KCNT2: variants seen among roughly 807,000 people sequenced by gnomAD.
KCNT2 encodes the protein potassium sodium-activated channel subfamily T member 2, also known as potassium channel subfamily T member 2.
In KCNT2, 67 loss-of-function variants were observed where a neutral mutation model predicts 153.8. That is an observed-to-expected ratio of 0.44 (90% CI 0.36 to 0.53). The LOEUF is 0.53. Among genes scored for constraint, KCNT2 ranks in the 20% least tolerant of loss-of-function variants. KCNT2 has a pLI of 0.00. For missense variants in KCNT2, 975 were observed against 1,354.8 expected, an observed-to-expected ratio of 0.72 and a Z score of 4.40; for synonymous variants, 500 against 458.8, an observed-to-expected ratio of 1.09 and a Z score of -1.15.
intron 14 of KCNT2, among the ~76,000 whole-genome samples, chr1:196,371,518 A>G (rs1487962251): frequency 6.6e-6 from 1 of 152,084 alleles, no homozygotes; most frequent in Non-Finnish European, 1.5e-5. Context: ...TATTTCAATA[A>G]ATCTACTATA....
At chr1:196,577,375 C>T (rs958002471) in intron 1 of KCNT2, among the ~76,000 whole-genome samples, 1 of 152,146 alleles carries the variant, frequency 6.6e-6, no homozygotes, top group African/African-American at 2.4e-5. Flanking sequence ...GAGAAAATTT[C>T]CCACAGTCAG....
At chr1:196,392,960 C>A (rs1670612312) in intron 13 of KCNT2, among the ~76,000 whole-genome samples, 1 of 151,260 alleles carries the variant, frequency 6.6e-6, no homozygotes, top group Admixed American at 6.6e-5. Context: ...TATAATGTTG[C>A]ATTCTTCTAG....
At position 196,227,270 on chromosome 1, in the gene KCNT2, T is replaced by A. The variant is rs1047127810; in HGVS notation, c.*954A>T. 1.3e-5 allele frequency: 2 copies of A among 152,034 alleles called. No homozygotes were observed. The highest frequency in any genetic ancestry group is 4.8e-5 in the African/African-American group (2 of 41,456). 9.4% of individuals were successfully genotyped at this position (152,034 alleles called of 1,614,324 possible). On this transcript the variant is annotated 3_prime_UTR_variant, in exon 28 of 28. Transcript: ENST00000294725. ...AAGTGTCTTCAGAGTCCATAAAAGGTATAAATTATCTTCTGTCAATTTTAA... is the reference window on the plus strand; with the variant it reads ...AAGTGTCTTCAGAGTCCATAAAAGGAATAAATTATCTTCTGTCAATTTTAA...
At chr1:196,324,248 C>A (rs115128217) in intron 19 of KCNT2, among the ~76,000 whole-genome samples, 20 of 151,732 alleles carry the variant, frequency 1.3e-4, no homozygotes, top group Non-Finnish European at 2.7e-4. Flanking sequence ...ACTTTTAATG[C>A]AAAAATAAAC....
At chr1:196,595,903 T>C (rs1315366993) in intron 1 of KCNT2, among the ~76,000 whole-genome samples, 1 of 151,842 alleles carries the variant, frequency 6.6e-6, no homozygotes, top group Non-Finnish European at 1.5e-5. Flanking sequence ...TGCATCCTCA[T>C]AGATTAGCTT....
chr1:196,541,605 C>A (rs569422513), intron 1 of KCNT2, among the ~76,000 whole-genome samples: 1 of 152,196 alleles, frequency 6.6e-6, no homozygotes, highest in East Asian at 1.9e-4. Context: ...CTTATGGCCC[C>A]AGAGACTAAG....
chr1:196,342,439 T>G (rs1665756300), intron 14 of KCNT2, among the ~76,000 whole-genome samples: 1 of 145,344 alleles, frequency 6.9e-6, no homozygotes, highest in African/African-American at 2.5e-5. Flanking sequence ...TATATATATA[T>G]ATATATATGT....
intron 1 of KCNT2, among the ~76,000 whole-genome samples, chr1:196,585,308 T>G (rs1167219594): frequency 3.3e-5 from 5 of 152,134 alleles, no homozygotes; most frequent in Non-Finnish European, 7.4e-5. Context: ...TTACACAAAT[T>G]ATCTCTTCAA....
intron 25 of KCNT2, among the ~76,000 whole-genome samples, chr1:196,265,277 A>T (rs1057236374): frequency 3.3e-5 from 5 of 152,124 alleles, no homozygotes; most frequent in Non-Finnish European, 5.9e-5. Context: ...ATGCTGTTTG[A>T]GTTTTTTTCT....
At chr1:196,262,831 A>G (rs1657153634) in intron 25 of KCNT2, among the ~76,000 whole-genome samples, 1 of 152,116 alleles carries the variant, frequency 6.6e-6, no homozygotes, top group East Asian at 1.9e-4. Flanking sequence ...TTTGGAATCA[A>G]ATAAATAAGC....
chr1:196,573,474 T>C (rs555682640), intron 1 of KCNT2, among the ~76,000 whole-genome samples: 1 of 152,228 alleles, frequency 6.6e-6, no homozygotes, highest in South Asian at 2.1e-4. Flanking sequence ...TGATTTCTAA[T>C]CACGCCAGGA....
intron 1 of KCNT2, among the ~76,000 whole-genome samples, chr1:196,519,914 G>A (rs1167977823): frequency 6.6e-6 from 1 of 152,084 alleles, no homozygotes; most frequent in Non-Finnish European, 1.5e-5. Context: ...CCAAAAAATT[G>A]AAGAGAAGTG....
intron 5 of KCNT2, among the ~76,000 whole-genome samples, chr1:196,474,162 T>A (rs1024762211): frequency 6.6e-6 from 1 of 152,130 alleles, no homozygotes; most frequent in Non-Finnish European, 1.5e-5. Context: ...CTAAAATGCA[T>A]CGCACTTTTA....
At chr1:196,256,596 ATTT>A (rs1191386780) in intron 26 of KCNT2, among the ~76,000 whole-genome samples, 1 of 150,690 alleles carries the variant, frequency 6.6e-6, no homozygotes. Flanking sequence ...TTTTTGTGTT[ATTT>A]GAGATATAAT....
chr1:196,551,609 A>C (rs1657912804), intron 1 of KCNT2, among the ~76,000 whole-genome samples: 1 of 151,716 alleles, frequency 6.6e-6, no homozygotes, highest in African/African-American at 2.4e-5. Context: ...CATCCATGAA[A>C]GATGTGCATC....
chr1:196,425,475 C>T (rs2148528259), intron 11 of KCNT2, among the ~76,000 whole-genome samples: 1 of 151,980 alleles, frequency 6.6e-6, no homozygotes, highest in Non-Finnish European at 1.5e-5. Flanking sequence ...CATATTTAGC[C>T]CACAATTTTT....
chr1:196,582,488 T>C (rs1466034146), intron 1 of KCNT2: 1 of 154,334 alleles, frequency 6.5e-6, no homozygotes, highest in Non-Finnish European at 1.5e-5. Context: ...TGCAATTTTA[T>C]GCAAGCAGGG....
intron 25 of KCNT2, among the ~76,000 whole-genome samples, chr1:196,260,578 C>T (rs1656921372): frequency 1.3e-5 from 2 of 151,596 alleles, no homozygotes; most frequent in South Asian, 4.2e-4. Flanking sequence ...CATTTCTTTA[C>T]TAACCTCACT....
intron 1 of KCNT2, among the ~76,000 whole-genome samples, chr1:196,531,322 A>T (rs1654910419): frequency 6.6e-6 from 1 of 152,082 alleles, no homozygotes; most frequent in South Asian, 2.1e-4. Flanking sequence ...GTATTATAAC[A>T]TCAAGAAAAG....
Sources: gnomAD v4.1 joint callset for allele counts (sites outside exome capture counted in the v4.1 genomes callset) on GRCh38, gnomAD v4.1.1 for gene constraint, MANE v1.5 for transcripts, NCBI Gene and HGNC (gene_info 2026-07-23, HGNC 2026-07-21) for gene names.